The following ABCA1 variants were observed in gnomAD, a reference collection of about 807,000 sequenced individuals.
ABCA1 encodes ATP binding cassette subfamily A member 1.
ABCA1 carries 133 observed loss-of-function variants against 262.5 expected under a neutral mutation model. The observed-to-expected ratio is 0.51, with a 90% CI of 0.44 to 0.59. The LOEUF (loss-of-function observed/expected upper bound fraction) is 0.59, where lower values mean the gene tolerates loss of function less well. Ranked by LOEUF, ABCA1 falls within the 20% of genes least tolerant of loss-of-function variation. The pLI is 0.00. For missense variants in ABCA1, 2,452 were observed against 2,777.5 expected, an observed-to-expected ratio of 0.88 and a Z score of 2.63; for synonymous variants, 1,022 against 1,043.5, an observed-to-expected ratio of 0.98 and a Z score of 0.40.
At chr9:104,794,581 A>G in intron 39 of ABCA1, 71 bp from the exon 40 acceptor site, 2 of 1,547,830 alleles carry the variant, frequency 1.3e-6, no homozygotes, top group Non-Finnish European at 1.7e-6. Context: ...TTCATGGTTT[A>G]TCCTAAAAAT....
rs766822649 is a variant in ABCA1 at position 104,824,611 on chromosome 9, A to G, written c.2543-33T>C. On this transcript the variant is annotated intron_variant, in intron 17 of 49. Transcript: ENST00000374736. ...CAAAGCACAGGTATGAGCCAAGCTC[A>G]GCATCATCCCAGTATTCTGAGGGTT... 3.1e-6 allele frequency: 5 copies of G among 1,611,088 alleles called. No homozygotes were observed. In the East Asian group the frequency reaches 1.1e-4, roughly 36 times the overall value.
chr9:104,892,922 A>G (rs1054831871), intron 2 of ABCA1, among the ~76,000 whole-genome samples: 13 of 152,372 alleles, frequency 8.5e-5, no homozygotes, highest in African/African-American at 3.1e-4. Context: ...CAATTATGGT[A>G]CATGTACTCA....
At chr9:104,797,365 T>C (rs1450399707) in intron 37 of ABCA1, among the ~76,000 whole-genome samples, 2 of 152,236 alleles carry the variant, frequency 1.3e-5, no homozygotes, top group Non-Finnish European at 2.9e-5. Flanking sequence ...TTGTATAGAA[T>C]GAAGGAGACC....
At chr9:104,895,540 C>T (rs1049338168) in intron 2 of ABCA1, among the ~76,000 whole-genome samples, 9 of 152,132 alleles carry the variant, frequency 5.9e-5, no homozygotes, top group Admixed American at 2.0e-4. Context: ...TAACCGGCCC[C>T]GGTCGAGAAC....
intron 31 of ABCA1, among the ~76,000 whole-genome samples, chr9:104,805,337 A>T (rs1384283963): frequency 6.6e-6 from 1 of 152,156 alleles, no homozygotes; most frequent in African/African-American, 2.4e-5. Flanking sequence ...GGCATCCCAA[A>T]ATACTGAGAT....
At chr9:104,812,529 C>T in intron 28 of ABCA1, 45 bp downstream of exon 28, 4 of 1,612,992 alleles carry the variant, frequency 2.5e-6, no homozygotes, top group Non-Finnish European at 3.4e-6. Context: ...GAGCCTGCAG[C>T]CCACCCATGA....
intron 1 of ABCA1, among the ~76,000 whole-genome samples, chr9:104,920,800 G>C (rs1404902298): frequency 1.3e-5 from 2 of 152,178 alleles, no homozygotes; most frequent in Non-Finnish European, 2.9e-5. Context: ...AGAAGCCATC[G>C]CGCCCGGCCT....
At position 104,830,721 on chromosome 9, in the gene ABCA1, T is replaced by C. The variant is rs58725938; in HGVS notation, c.1892+204A>G. ...AAAAATAAAAATAAAAAGATAAAAG[T>C]GGCAACCATGGATGAGAAGGAAAGA... On this transcript the variant is annotated intron_variant, in intron 14 of 49. Coordinates refer to ENST00000374736, the MANE Select transcript of ABCA1 (RefSeq NM_005502.4). 0.016 allele frequency among the ~76,000 whole-genome samples: 2,456 copies of C among 151,898 alleles called. 72 individuals carry two copies. The highest frequency in any genetic ancestry group is 0.056 in the African/African-American group (2,336 of 41,440).
At chr9:104,883,226 G>C in intron 4 of ABCA1, 69 bp from the exon 5 acceptor site, 1 of 1,364,210 alleles carries the variant, frequency 7.3e-7, no homozygotes, top group Non-Finnish European at 1.0e-6. Context: ...TTACAGAAGT[G>C]ACTGCCAAGT....
At chr9:104,911,846 G>A (rs1274530578) in intron 1 of ABCA1, among the ~76,000 whole-genome samples, 1 of 152,146 alleles carries the variant, frequency 6.6e-6, no homozygotes, top group Non-Finnish European at 1.5e-5. Flanking sequence ...ATCCTCCAAG[G>A]TAAAAGTCAA....
rs576497445 is a variant in ABCA1, at chr9:104,856,672, A to T, written c.720+1850T>A. Among the ~76,000 whole-genome samples the T allele has an allele frequency of 1.3e-4, 20 of 152,330 alleles. No homozygotes were observed. The East Asian group carries it at 3.7e-3, about 28-fold the overall frequency. ...GATTTTACCGGGTTGTGTACACAAT[A>T]GGTGTTTAATGAGTAAACAGAAGTG... On this transcript the variant is annotated intron_variant, in intron 7 of 49. Coordinates refer to ENST00000374736, the MANE Select transcript of ABCA1 (RefSeq NM_005502.4).
chr9:104,886,013 T>C (rs1173701854), intron 3 of ABCA1, among the ~76,000 whole-genome samples: 1 of 152,308 alleles, frequency 6.6e-6, no homozygotes, highest in African/African-American at 2.4e-5. Context: ...AAAATGGTGA[T>C]AAAAGTACAA....
At chr9:104,879,172 C>T (rs893783332) in intron 5 of ABCA1, among the ~76,000 whole-genome samples, 1 of 152,156 alleles carries the variant, frequency 6.6e-6, no homozygotes, top group African/African-American at 2.4e-5. Context: ...ACAACTTACC[C>T]CCATCAGCCA....
Position 104,809,564 on chromosome 9 carries a change from G to T in ABCA1, c.4176C>A (p.Ser1392Arg), listed in dbSNP as rs375796096. ...WMYNEQYTFV[S>R]NDAPEDTGTL... ...TTCCCGTGTCCTCAGGAGCATCATT[G>T]CTGTGGGTACATGAGAGGCAGCCAG... The change falls in exon 30 of 50, where the codon AGC (serine) becomes AGA (arginine). Residue 1392 changes from serine to arginine, a missense_variant and splice_region_variant. By Grantham distance (110) the Ser-to-Arg change is moderately radical. Around this residue, in one of 4 missense-constraint regions of ABCA1, gnomAD observed 665 missense variants for 727.3 expected, o/e 0.91. Coordinates refer to ENST00000374736, the MANE Select transcript of ABCA1 (RefSeq NM_005502.4). The T allele has an allele frequency of 6.2e-7, 1 of 1,613,910 alleles. No individual in the cohort carries two copies.
At chr9:104,796,244 C>T in intron 38 of ABCA1, 47 bp from the exon 39 acceptor site, 1 of 1,614,008 alleles carries the variant, frequency 6.2e-7, no homozygotes, top group Non-Finnish European at 8.5e-7. Context: ...TCCCTGCCCT[C>T]CTTCTGACAC....
intron 1 of ABCA1, among the ~76,000 whole-genome samples, chr9:104,912,971 G>A (rs374070909): frequency 2.6e-5 from 4 of 152,238 alleles, no homozygotes; most frequent in Admixed American, 1.3e-4. Flanking sequence ...AGAAAAACTT[G>A]GCTGGATAAT....
chr9:104,832,858 A>C (rs1442332594), intron 11 of ABCA1, 87 bp from the exon 12 acceptor site: 1 of 1,264,010 alleles, frequency 7.9e-7, no homozygotes, highest in Non-Finnish European at 1.2e-6. Flanking sequence ...TTGCATATAC[A>C]CTGTCGTTGT....
At chr9:104,918,920 G>A (rs1588593902) in intron 1 of ABCA1, among the ~76,000 whole-genome samples, 1 of 152,182 alleles carries the variant, frequency 6.6e-6, no homozygotes, top group African/African-American at 2.4e-5. Context: ...TTTGACTCTT[G>A]TGAAAAACAA....
rs188308962 is a variant in ABCA1 at position 104,858,516 on chromosome 9, A to G, written c.720+6T>C. ...TGAAGTTTCTCCAGTGAGCAAGTCTACTCACCAGGATTGGCTTCAGGATGT... is the reference window on the plus strand; with the variant it reads ...TGAAGTTTCTCCAGTGAGCAAGTCTGCTCACCAGGATTGGCTTCAGGATGT... On this transcript the variant is annotated splice_donor_region_variant and intron_variant, in intron 7 of 49. Transcript: ENST00000374736. 1.3e-3 allele frequency: 2,108 copies of G among 1,613,112 alleles called. 3 individuals carry two copies. Among genetic ancestry groups the G allele is most frequent in the Non-Finnish European group, 1.6e-3 (1,908 of 1,179,662 alleles).
Sources: gnomAD v4.1 joint callset for allele counts (sites outside exome capture counted in the v4.1 genomes callset) on GRCh38, gnomAD v4.1.1 for gene constraint, gnomAD v4.1.1 regional missense constraint, MANE v1.5 for transcripts, NCBI Gene and HGNC (gene_info 2026-07-23, HGNC 2026-07-21) for gene names.